The following TCFL5 variants were observed in gnomAD, a reference collection of about 807,000 sequenced individuals.
The protein encoded by TCFL5 is transcription factor-like 5 protein.
In TCFL5, 9 loss-of-function variants were observed where a neutral mutation model predicts 44.3. The ratio of observed to expected loss-of-function variants is 0.20; its 90% CI spans 0.12 to 0.35. The LOEUF is 0.35. Among genes scored for constraint, TCFL5 ranks in the 10% least tolerant of loss-of-function variants. The pLI is 1.00. For missense variants in TCFL5, 603 were observed against 613.4 expected (o/e 0.98, Z 0.18); for synonymous variants, 319 against 271.6 (o/e 1.17, Z -1.72).
rs1318674295 is a variant in TCFL5 at position 62,859,060 on chromosome 20, A to G, written c.994+304T>C. ...TAACATAAGGAAAATAAAAAACTAT[A>G]AAGTACTTTCAGTAACTTGAAAATA... On this transcript the variant is annotated intron_variant, in intron 3 of 5. Transcript: ENST00000335351. Among the ~76,000 whole-genome samples the G allele has an allele frequency of 3.3e-5, 5 of 152,218 alleles. No individual in the cohort carries two copies. In the East Asian group the frequency reaches 9.6e-4, roughly 29 times the overall value.
intron 5 of TCFL5, among the ~76,000 whole-genome samples, chr20:62,844,568 T>TG (rs1568774130): frequency 1.1e-4 from 16 of 142,080 alleles, no homozygotes; most frequent in Non-Finnish European, 1.6e-4. Flanking sequence ...TCTGTTTTTT[T>TG]TTGTTTGTTT....
intron 5 of TCFL5, chr20:62,844,694 C>T (rs1768991463): frequency 5.6e-6 from 1 of 178,080 alleles, no homozygotes; most frequent in Admixed American, 6.6e-5. Flanking sequence ...TCCTGGGGTT[C>T]AAGCAATTTT....
intron 5 of TCFL5, among the ~76,000 whole-genome samples, chr20:62,846,357 G>A (rs1253516434): frequency 3.3e-5 from 5 of 152,144 alleles, no homozygotes; most frequent in Non-Finnish European, 4.4e-5. Context: ...CCCACGACCC[G>A]TCTCCTGGGA....
At chr20:62,860,909 G>A (rs1211488374) in intron 1 of TCFL5, 115 bp downstream of exon 1, 26 of 861,858 alleles carry the variant, frequency 3.0e-5, no homozygotes, top group Non-Finnish European at 3.5e-5. Flanking sequence ...CTGTGCCGCC[G>A]GGAGGGCAGG....
chr20:62,861,072 G>T lies in TCFL5; in HGVS notation c.599C>A (p.Pro200His). 1 of 996,118 alleles carries T rather than the reference G, an allele frequency of 1.0e-6. No homozygotes were observed. The highest frequency in any genetic ancestry group is 4.5e-5 in the South Asian group (1 of 22,008). 61.7% of individuals were successfully genotyped at this position (996,118 alleles called of 1,614,324 possible). Residue 200 changes from proline (P) to histidine (H), a missense_variant, in exon 1 of 6, where the codon CCC (proline) becomes CAC (histidine). Physicochemically the swap from Pro to His is moderately conservative, Grantham distance 77. This residue lies in a region of TCFL5 where 540 missense variants were observed against 478.7 expected (regional missense o/e 1.13). Coordinates refer to ENST00000335351, the MANE Select transcript of TCFL5 (RefSeq NM_006602.4). The surrounding 1 kb of genome is among the most constrained non-coding windows in gnomAD (Gnocchi z 4.0). ...GGGGGGCTCGGGGCCGCGCGGCGCG[G>T]GCGGCGGCTCGGCGGGGATGCTGTT... The part of the protein sequence containing the change: ...RFNSIPAEPP[P>H]APRGPEPPEP...
In TCFL5 at chr20:62,842,101, C is replaced by G. The variant is rs1362331321; in HGVS notation, c.1381-4G>C. On this transcript the variant is annotated splice_polypyrimidine_tract_variant and splice_region_variant and intron_variant, in intron 5 of 5. Coordinates refer to ENST00000335351, the MANE Select transcript of TCFL5 (RefSeq NM_006602.4). This position sits in a 1 kb window ranked among gnomAD's most constrained non-coding sequence, Gnocchi z 4.3. ...CGCAAAATACGCTCTCAAATTCCTG[C>G]AGTGAAGAAGTGACGGTTAACATAC... 4 of 1,613,910 alleles carry G rather than the reference C, an allele frequency of 2.5e-6. No homozygotes were observed. The highest frequency in any genetic ancestry group is 3.4e-6 in the Non-Finnish European group (4 of 1,179,954).
rs2063993379 is a variant in TCFL5, at chr20:62,861,037, C to G, written c.634G>C (p.Gly212Arg). Reference sequence around the variant, plus strand: ...CCGGGCACGCACTTGTTGAGCGCCCCGCCCGGCTCGGGGGGCTCGGGGCCG... The same window carrying G: ...CCGGGCACGCACTTGTTGAGCGCCCGGCCCGGCTCGGGGGGCTCGGGGCCG... ...PRGPEPPEPG[G>R]ALNNLVTLIR... The change falls in exon 1 of 6, where the codon GGG (glycine) becomes CGG (arginine). Residue 212 changes from glycine (G) to arginine (R), a missense_variant. Gly to Arg is a moderately radical substitution (Grantham distance 125). This residue lies in a region of TCFL5 where 540 missense variants were observed against 478.7 expected (regional missense o/e 1.13). Transcript: ENST00000335351. This position sits in a 1 kb window ranked among gnomAD's most constrained non-coding sequence, Gnocchi z 4.0. 1 of 994,308 alleles carries G rather than the reference C, an allele frequency of 1.0e-6. No homozygotes were observed. Among genetic ancestry groups the G allele is most frequent in the Admixed American group, 6.1e-5 (1 of 16,318 alleles). The allele number at this position is 994,308 out of a possible 1,614,324, so 61.6% of individuals were successfully genotyped here.
chr20:62,856,494 G>A (rs1210364200), intron 4 of TCFL5, among the ~76,000 whole-genome samples: 2 of 151,766 alleles, frequency 1.3e-5, no homozygotes, highest in Non-Finnish European at 2.9e-5. Flanking sequence ...CACGAGGTCA[G>A]GAGATCAAGA....
intron 4 of TCFL5, among the ~76,000 whole-genome samples, chr20:62,857,048 C>G (rs1381286479): frequency 2.0e-5 from 3 of 152,332 alleles, no homozygotes; most frequent in African/African-American, 7.2e-5. Flanking sequence ...TGGCTGGGGG[C>G]ATGAGGGGCA....
chr20:62,848,012 C>T (rs1366586548), intron 5 of TCFL5, among the ~76,000 whole-genome samples: 2 of 152,168 alleles, frequency 1.3e-5, no homozygotes, highest in East Asian at 1.9e-4. Flanking sequence ...TGGGCGGTTG[C>T]CAGTACAGGA....
intron 5 of TCFL5, among the ~76,000 whole-genome samples, chr20:62,848,432 T>C (rs1487192307): frequency 6.6e-6 from 1 of 152,238 alleles, no homozygotes; most frequent in South Asian, 2.1e-4. Context: ...ATTTTCATCG[T>C]TGTGGATATT....
chr20:62,860,265 G>A lies in TCFL5; in HGVS notation c.691C>T (p.Pro231Ser). ...IRHPSELMNV[P>S]LQQQNKCTAL... ...GTACATTTGTTTTGTTGCTGAAGAG[G>A]AACATTCATTAGTTCAGATGGATGT... The change falls in exon 2 of 6, where the codon CCT (proline) becomes TCT (serine). Residue 231 changes from proline to serine, a missense_variant. Coordinates refer to ENST00000335351, the MANE Select transcript of TCFL5 (RefSeq NM_006602.4). 6.2e-7 allele frequency: 1 copy of A among 1,613,422 alleles called. No individual in the cohort carries two copies. The highest frequency in any genetic ancestry group is 8.5e-7 in the Non-Finnish European group (1 of 1,179,478).
chr20:62,854,123 G>C lies in TCFL5; in HGVS notation c.1273C>G (p.Leu425Val). 1 of 1,614,136 alleles carries C rather than the reference G, an allele frequency of 6.2e-7. No individual in the cohort carries two copies. The highest frequency in any genetic ancestry group is 1.1e-5 in the South Asian group (1 of 91,074). The change falls in exon 5 of 6, where the codon CTC becomes GTC. Residue 425 changes from leucine to valine, a missense_variant. By Grantham distance (32) the Leu-to-Val change is conservative (BLOSUM62 1). Around this residue, in one of 4 missense-constraint regions of TCFL5, gnomAD observed 21 missense variants for 54.0 expected, o/e 0.39. Coordinates refer to ENST00000335351, the MANE Select transcript of TCFL5 (RefSeq NM_006602.4). ...RIRICCDELN[L>V]LVPFCNAETD... Reference sequence around the variant, plus strand: ...TCGGCATTGCAGAACGGCACTAAGAGATTCAACTCATCACAGCAAATGCGG... The same window carrying C: ...TCGGCATTGCAGAACGGCACTAAGACATTCAACTCATCACAGCAAATGCGG...
chr20:62,859,030 G>C (rs961199802), intron 3 of TCFL5, among the ~76,000 whole-genome samples: 2 of 152,140 alleles, frequency 1.3e-5, no homozygotes, highest in African/African-American at 2.4e-5. Flanking sequence ...CTCACTCATC[G>C]AGTATAACAT....
At chr20:62,860,377 C>T in intron 1 of TCFL5, 69 bp from the exon 2 acceptor site, 2 of 1,457,998 alleles carry the variant, frequency 1.4e-6, no homozygotes, top group Non-Finnish European at 1.9e-6. Context: ...CATCCCACTC[C>T]CATGGCTCTG....
At chr20:62,845,050 C>T (rs1363379931) in intron 5 of TCFL5, 3 of 985,982 alleles carry the variant, frequency 3.0e-6, no homozygotes, top group Non-Finnish European at 2.4e-6. Context: ...TCCAACCAAG[C>T]AAGCTGCCAT....
intron 5 of TCFL5, chr20:62,852,162 A>C (rs1338495562): frequency 1.0e-6 from 1 of 985,348 alleles, no homozygotes; most frequent in African/African-American, 1.7e-5. Flanking sequence ...TTTGTTCTCT[A>C]GTCAGACTCC....
chr20:62,842,208 G>T lies in TCFL5; in HGVS notation c.1381-111C>A. On this transcript the variant is annotated intron_variant, in intron 5 of 5. Transcript: ENST00000335351. This position sits in a 1 kb window ranked among gnomAD's most constrained non-coding sequence, Gnocchi z 4.3. The stretch of plus-strand genomic sequence containing the variant: ...AGCTAAGTAAATGACTTTAGAATAC[G>T]CTGTTTTAAGGTGTCATTCACAAAC... 7.3e-7 allele frequency: 1 copy of T among 1,372,910 alleles called. No individual in the cohort carries two copies. The highest frequency in any genetic ancestry group is 1.0e-6 in the Non-Finnish European group (1 of 1,002,850). The allele number at this position is 1,372,910 out of a possible 1,614,324, so 85.0% of individuals were successfully genotyped here.
At position 62,842,146 on chromosome 20, in the gene TCFL5, A is replaced by G. The variant is rs1231639608; in HGVS notation, c.1381-49T>C. Reference sequence around the variant, plus strand: ...ACATACTGAATTAACTGACATGAAAACTGCTGTCTTCCAAAGTGCAAAAGG... The same window carrying G: ...ACATACTGAATTAACTGACATGAAAGCTGCTGTCTTCCAAAGTGCAAAAGG... On this transcript the variant is annotated intron_variant, in intron 5 of 5. Coordinates refer to ENST00000335351, the MANE Select transcript of TCFL5 (RefSeq NM_006602.4). This position sits in a 1 kb window ranked among gnomAD's most constrained non-coding sequence, Gnocchi z 4.3. The G allele has an allele frequency of 2.5e-6, 4 of 1,610,226 alleles. No homozygotes were observed. The African/African-American group carries it at 4.0e-5, about 16-fold the overall frequency.
Sources: allele counts gnomAD v4.1 joint callset (sites outside exome capture counted in the v4.1 genomes callset), GRCh38; gene constraint gnomAD v4.1.1; regional missense constraint gnomAD v4.1.1; non-coding constraint Gnocchi (gnomAD v3.1); transcripts MANE v1.5; gene names NCBI Gene and HGNC (gene_info 2026-07-23, HGNC 2026-07-21).